The following MUC5B variants were observed in gnomAD, a reference collection of about 807,000 sequenced individuals.
MUC5B encodes the protein mucin 5B, oligomeric mucus/gel-forming, also known as mucin-5B.
In MUC5B, 116 loss-of-function variants were observed where a neutral mutation model predicts 376.9. The observed-to-expected ratio is 0.31, with a 90% CI of 0.26 to 0.36. The LOEUF (loss-of-function observed/expected upper bound fraction) is 0.36. Among genes scored for constraint, MUC5B ranks in the 10% least tolerant of loss-of-function variants. The pLI is 1.00. For synonymous variants in MUC5B, 3,517 were observed against 3,390.9 expected, an observed-to-expected ratio of 1.04 and a Z score of -1.29; for missense variants, 7,165 against 7,769.9, an observed-to-expected ratio of 0.92 and a Z score of 2.93.
intron 1 of MUC5B, 141 bp from the exon 2 acceptor site, chr11:1,225,540 G>A (rs1861859552): frequency 1.4e-6 from 1 of 731,432 alleles, no homozygotes; most frequent in Non-Finnish European, 2.3e-6. Context: ...TGTCGTGAGG[G>A]TGAACCTGCA....
intron 38 of MUC5B, 61 bp downstream of exon 38, chr11:1,256,286 G>T (rs1862832885): frequency 1.4e-6 from 1 of 709,518 alleles, no homozygotes; most frequent in Non-Finnish European, 2.6e-6. Flanking sequence ...CGGTCTGGGG[G>T]AGCAGGAGGA....
Position 1,252,840 on chromosome 11 carries a change from C to G in MUC5B, c.15077C>G (p.Thr5026Arg). ...GAGACCTGGACCCTGGAGAACTGCA[C>G]GGTGGCCAGGTGCGTGGGTGACAAC... ...VNETWTLENCTVARCVGDNRV... is the reference protein window; with the variant it reads ...VNETWTLENCRVARCVGDNRV... The change falls in exon 33 of 49, where the codon ACG (threonine) becomes AGG (arginine). Residue 5026 changes from threonine to arginine, a missense_variant. This residue lies in a region of MUC5B where 842 missense variants were observed against 1,016.9 expected (regional missense o/e 0.83). Transcript: ENST00000529681. 6.2e-7 allele frequency: 1 copy of G among 1,611,338 alleles called. No individual in the cohort carries two copies. The highest frequency in any genetic ancestry group is 8.5e-7 in the Non-Finnish European group (1 of 1,179,308).
At chr11:1,259,306 A>C (rs74046280) in intron 44 of MUC5B, among the ~76,000 whole-genome samples, 5,442 of 122,060 alleles carry the variant, frequency 0.045, 102 homozygotes, top group African/African-American at 0.068. Flanking sequence ...CAGGTGAGCC[A>C]CCAAGGCACC....
chr11:1,239,769 T>A, intron 27 of MUC5B, 30 bp from the exon 28 acceptor site: 1 of 1,593,938 alleles, frequency 6.3e-7, no homozygotes, highest in African/African-American at 1.3e-5. Context: ...AGGGCCCTGG[T>A]GAGTCTTCTG....
At position 1,256,102 on chromosome 11, in the gene MUC5B, G is replaced by C. The variant is rs532977527; in HGVS notation, c.16067-54G>C. On this transcript the variant is annotated intron_variant, in intron 37 of 48. Transcript: ENST00000529681. The stretch of plus-strand genomic sequence containing the variant: ...AGTGTCCTGTGCGGTGATTGGGGGC[G>C]GCCCTGGGCCCCCCCAACCCCTTGG... 4.0e-4 allele frequency: 285 copies of C among 704,518 alleles called. 1 individual carries two copies. The East Asian group carries it at 7.3e-3, about 18-fold the overall frequency. The allele number at this position is 704,518 out of a possible 1,614,324, so 43.6% of individuals were successfully genotyped here.
chr11:1,250,238 C>T lies in MUC5B; in HGVS notation c.13358C>T (p.Pro4453Leu), dbSNP rs559950230. ...GGGACCACCTGGATCCTCACAGAGC[C>T]GAGCACTACAGCCACCGTGACGGTG... ...TPGTTWILTEPSTTATVTVPT... is the reference protein window; with the variant it reads ...TPGTTWILTELSTTATVTVPT... The change falls in exon 31 of 49, where the codon CCG becomes CTG. Residue 4453 changes from proline (P) to leucine (L), a missense_variant. Transcript: ENST00000529681. 3.4e-5 allele frequency: 55 copies of T among 1,608,746 alleles called. No homozygotes were observed. Among genetic ancestry groups the T allele is most frequent in the African/African-American group, 1.5e-4 (11 of 74,690 alleles).
intron 12 of MUC5B, 109 bp from the exon 13 acceptor site, chr11:1,230,827 T>C: frequency 7.6e-7 from 1 of 1,316,754 alleles, no homozygotes; most frequent in Admixed American, 2.1e-5. Context: ...TCTGAGCTTC[T>C]CTGTGGGCTC....
At chr11:1,260,132 G>C (rs377440425) in intron 46 of MUC5B, 47 bp downstream of exon 46, 1 of 1,601,562 alleles carries the variant, frequency 6.2e-7, no homozygotes, top group Non-Finnish European at 8.5e-7. Flanking sequence ...TTGTCCATCA[G>C]GGAGGCCCAA....
In MUC5B at chr11:1,248,920, C is replaced by A. The variant is rs1311577301; in HGVS notation, c.12040C>A (p.Arg4014=). The change falls in exon 31 of 49, where the codon CGA becomes AGA. Residue 4014 remains arginine, a synonymous_variant. Transcript: ENST00000529681. The stretch of plus-strand genomic sequence containing the variant: ...GAACACCACGGCCACCACACACGGG[C>A]GATCCCTGTCCCCCAGCAGTCCCCA... The part of the protein sequence containing the change: ...VPNTTATTHG[R]SLSPSSPHTV... 3.2e-6 allele frequency: 5 copies of A among 1,576,916 alleles called. No homozygotes were observed. In the East Asian group the frequency reaches 7.0e-5, roughly 22 times the overall value.
intron 1 of MUC5B, 54 bp from the exon 2 acceptor site, chr11:1,225,627 G>A (rs911840093): frequency 3.3e-5 from 50 of 1,523,086 alleles, no homozygotes; most frequent in African/African-American, 1.4e-5. Flanking sequence ...GGTTGGGTTC[G>A]TGGCTGGCAG....
Position 1,230,151 on chromosome 11 carries a change from C to T in MUC5B, c.1359+8C>T, listed in dbSNP as rs1208137745. 1.3e-6 allele frequency: 2 copies of T among 1,589,024 alleles called. No homozygotes were observed. The highest frequency in any genetic ancestry group is 8.6e-7 in the Non-Finnish European group (1 of 1,169,534). On this transcript the variant is annotated splice_region_variant and intron_variant, in intron 11 of 48. Transcript: ENST00000529681. ...AGCTACGTTCTGTCCAAGGTCTGGG[C>T]TTGGGGCCGGGTCTTCAGACACCCA...
In MUC5B at chr11:1,251,625, C is replaced by T. The variant is rs377687675; in HGVS notation, c.14745C>T (p.Thr4915=). Residue 4915 remains threonine, a synonymous_variant, in exon 31 of 49, where the codon ACC becomes ACT. Coordinates refer to ENST00000529681, the MANE Select transcript of MUC5B (RefSeq NM_002458.3). ...CAGTGCTCCCCAGCAGCCTGCCAAC[C>T]TTCAGCGTGTCCACTGTGTCCTCCT... ...TPAVLPSSLP[T]FSVSTVSSSV... 1.5e-5 allele frequency: 25 copies of T among 1,613,010 alleles called. No individual in the cohort carries two copies. The highest frequency in any genetic ancestry group is 4.4e-5 in the South Asian group (4 of 91,086).
Position 1,246,188 on chromosome 11 carries a change from C to T in MUC5B, c.9308C>T (p.Thr3103Ile), listed in dbSNP as rs1438073665. 1.2e-6 allele frequency: 2 copies of T among 1,612,758 alleles called. No individual in the cohort carries two copies. Among genetic ancestry groups the T allele is most frequent in the South Asian group, 1.1e-5 (1 of 91,006 alleles). The change falls in exon 31 of 49, where the codon ACC (threonine) becomes ATC (isoleucine). Residue 3103 changes from threonine to isoleucine, a missense_variant. By Grantham distance (89) the Thr-to-Ile change is moderately conservative. This residue lies in a region of MUC5B where 939 missense variants were observed against 770.6 expected (regional missense o/e 1.22). Transcript: ENST00000529681. Reference sequence around the variant, plus strand: ...CACCCCTCCTCCACTCCGGAGACCACCCACACCTCCACAGTGCTGACCACG... The same window carrying T: ...CACCCCTCCTCCACTCCGGAGACCATCCACACCTCCACAGTGCTGACCACG... ...TIHPSSTPET[T>I]HTSTVLTTKA...
At position 1,251,638 on chromosome 11, in the gene MUC5B, A is replaced by T; in HGVS notation, c.14758A>T (p.Thr4920Ser). ...PSSLPTFSVS[T>S]VSSSVLTTLR... Reference sequence around the variant, plus strand: ...CAGCCTGCCAACCTTCAGCGTGTCCACTGTGTCCTCCTCAGTCCTCACCAC... The same window carrying T: ...CAGCCTGCCAACCTTCAGCGTGTCCTCTGTGTCCTCCTCAGTCCTCACCAC... The change falls in exon 31 of 49, where the codon ACT (threonine) becomes TCT (serine). Residue 4920 changes from threonine to serine, a missense_variant. Transcript: ENST00000529681. 6.2e-7 allele frequency: 1 copy of T among 1,613,062 alleles called. No individual in the cohort carries two copies. Among genetic ancestry groups the T allele is most frequent in the South Asian group, 1.1e-5 (1 of 91,074 alleles).
Position 1,237,067 on chromosome 11 carries a change from C to T in MUC5B, c.3200C>T (p.Pro1067Leu). 1.3e-6 allele frequency: 2 copies of T among 1,581,504 alleles called. No homozygotes were observed. Among genetic ancestry groups the T allele is most frequent in the South Asian group, 2.3e-5 (2 of 86,550 alleles). Reference sequence around the variant, plus strand: ...CCCTCCTGCCCGGACGCCCTGGCACCCAAGGACCCCTGCACGGCCAACCCC... The same window carrying T: ...CCCTCCTGCCCGGACGCCCTGGCACTCAAGGACCCCTGCACGGCCAACCCC... ...LSPSCPDALA[P>L]KDPCTANPFR... Residue 1067 changes from proline to leucine, a missense_variant, in exon 25 of 49, where the codon CCC (proline) becomes CTC (leucine). Physicochemically the swap from Pro to Leu is moderately conservative, Grantham distance 98. Transcript: ENST00000529681.
intron 26 of MUC5B, 170 bp downstream of exon 26, chr11:1,239,197 G>A: frequency 1.0e-6 from 1 of 962,422 alleles, no homozygotes; most frequent in South Asian, 1.6e-5. Flanking sequence ...GAAGACCTGT[G>A]CAAAACCACC....
Position 1,234,148 on chromosome 11 carries a change from A to C in MUC5B, c.2378-57A>C. The C allele has an allele frequency of 7.2e-7, 1 of 1,390,570 alleles. No homozygotes were observed. The highest frequency in any genetic ancestry group is 1.0e-6 in the Non-Finnish European group (1 of 1,002,182). The allele number at this position is 1,390,570 out of a possible 1,614,324, so 86.1% of individuals were successfully genotyped here. A position where few individuals can be genotyped will look rare whatever the true frequency, so the allele number is the denominator to read the frequency against. On this transcript the variant is annotated intron_variant, in intron 19 of 48. Coordinates refer to ENST00000529681, the MANE Select transcript of MUC5B (RefSeq NM_002458.3). This position sits in a 1 kb window ranked among gnomAD's most constrained non-coding sequence, Gnocchi z 6.3. ...GACAGGCTCAGGGCTGCCTGGGGTCAGTTGAGGGCCGTGGCTGCCCTTCCC... is the reference window on the plus strand; with the variant it reads ...GACAGGCTCAGGGCTGCCTGGGGTCCGTTGAGGGCCGTGGCTGCCCTTCCC...
rs780661826 is a variant in MUC5B at position 1,250,343 on chromosome 11, C to T, written c.13463C>T (p.Pro4488Leu). The T allele has an allele frequency of 2.5e-6, 4 of 1,613,474 alleles. No individual in the cohort carries two copies. Among genetic ancestry groups the T allele is most frequent in the Non-Finnish European group, 3.4e-6 (4 of 1,179,716 alleles). The stretch of plus-strand genomic sequence containing the variant: ...CATGTGAGCACCACGGCCACGACAC[C>T]CACAGTCACCAGCTCCAAAGCCACT... ...TPHVSTTATTPTVTSSKATPS... is the reference protein window; with the variant it reads ...TPHVSTTATTLTVTSSKATPS... Residue 4488 changes from proline (P) to leucine (L), a missense_variant, in exon 31 of 49, where the codon CCC (proline) becomes CTC (leucine). Physicochemically the swap from Pro to Leu is moderately conservative, Grantham distance 98. Coordinates refer to ENST00000529681, the MANE Select transcript of MUC5B (RefSeq NM_002458.3).
intron 36 of MUC5B, 35 bp downstream of exon 36, chr11:1,255,301 G>A: frequency 6.6e-7 from 1 of 1,507,818 alleles, no homozygotes; most frequent in Non-Finnish European, 8.9e-7. Context: ...AGGCCCTGGG[G>A]CGCCCCCGCC....
Sources: allele counts gnomAD v4.1 joint callset (sites outside exome capture counted in the v4.1 genomes callset), GRCh38; gene constraint gnomAD v4.1.1; regional missense constraint gnomAD v4.1.1; non-coding constraint Gnocchi (gnomAD v3.1); transcripts MANE v1.5; gene names NCBI Gene and HGNC (gene_info 2026-07-23, HGNC 2026-07-21).